ELL: variants seen among roughly 807,000 people sequenced by gnomAD.
The protein encoded by ELL is elongation factor for RNA polymerase II, also known as RNA polymerase II elongation factor ELL.
Under a neutral mutation model 64.0 loss-of-function variants are expected in ELL, and 18 were observed. That is an observed-to-expected ratio of 0.28 (90% CI 0.19 to 0.42). ELL has a LOEUF of 0.42. Among genes scored for constraint, ELL ranks in the 10% least tolerant of loss-of-function variants. The pLI, the probability that ELL is intolerant of heterozygous loss-of-function variation, is 1.00. For missense variants in ELL, 797 were observed against 870.4 expected, an observed-to-expected ratio of 0.92 and a Z score of 1.06; for synonymous variants, 399 against 376.2, an observed-to-expected ratio of 1.06 and a Z score of -0.70.
At chr19:18,473,705 C>G (rs1975113000) in intron 1 of ELL, among the ~76,000 whole-genome samples, 1 of 152,216 alleles carries the variant, frequency 6.6e-6, no homozygotes, top group Non-Finnish European at 1.5e-5. Context: ...ATCTTCTTCC[C>G]TCTTCCCAAC....
intron 1 of ELL, among the ~76,000 whole-genome samples, chr19:18,504,793 A>G (rs1276295946): frequency 6.6e-6 from 1 of 152,080 alleles, no homozygotes; most frequent in Non-Finnish European, 1.5e-5. Context: ...CACTGCATAT[A>G]CCAGAACCCA....
Position 18,449,410 on chromosome 19 carries a change from A to G in ELL, c.1465+1067T>C, listed in dbSNP as rs933852729. Among the ~76,000 whole-genome samples the G allele has an allele frequency of 8.5e-5, 13 of 152,058 alleles. No homozygotes were observed. Among genetic ancestry groups the G allele is most frequent in the Non-Finnish European group, 1.2e-4 (8 of 67,974 alleles). On this transcript the variant is annotated intron_variant, in intron 8 of 11. Transcript: ENST00000262809. The surrounding 1 kb of genome is among the most constrained non-coding windows in gnomAD (Gnocchi z 4.4). ...CCACCTTCTCCCCGTCGGCCCCCAC[A>G]TGCAGTCCCACGGGAGGTGGGAAGC...
chr19:18,462,964 C>T (rs1974858027), intron 4 of ELL, among the ~76,000 whole-genome samples: 1 of 152,190 alleles, frequency 6.6e-6, no homozygotes, highest in African/African-American at 2.4e-5. Context: ...CCTCTATCCC[C>T]AACGCAGAGA....
chr19:18,501,104 C>A lies in ELL; in HGVS notation c.135+20817G>T, dbSNP rs149447296. On this transcript the variant is annotated intron_variant, in intron 1 of 11. Transcript: ENST00000262809. The surrounding 1 kb of genome is among the most constrained non-coding windows in gnomAD (Gnocchi z 4.5). ...TGTGGGCGCACACCCAGGAGAAGAACGAGCGGGCCACGACACTGTTCTCGC... is the reference window on the plus strand; with the variant it reads ...TGTGGGCGCACACCCAGGAGAAGAAAGAGCGGGCCACGACACTGTTCTCGC... 6.6e-6 allele frequency among the ~76,000 whole-genome samples: 1 copy of A among 152,068 alleles called. No individual in the cohort carries two copies. Among genetic ancestry groups the A allele is most frequent in the African/African-American group, 2.4e-5 (1 of 41,396 alleles).
intron 1 of ELL, among the ~76,000 whole-genome samples, chr19:18,515,987 C>T (rs1287738881): frequency 2.0e-5 from 3 of 152,152 alleles, no homozygotes; most frequent in South Asian, 2.1e-4. Context: ...AGCCCAGGGC[C>T]AACAGGGGCA....
intron 6 of ELL, among the ~76,000 whole-genome samples, chr19:18,455,756 G>A (rs1467365517): frequency 6.6e-6 from 1 of 151,904 alleles, no homozygotes; most frequent in Non-Finnish European, 1.5e-5. Flanking sequence ...TAAGAGACAG[G>A]ATGAGAAATG....
chr19:18,461,572 AC>A lies in ELL; in HGVS notation c.744+5del. 6.3e-7 allele frequency: 1 copy of A among 1,593,404 alleles called. No individual in the cohort carries two copies. Among genetic ancestry groups the A allele is most frequent in the South Asian group, 1.1e-5 (1 of 90,280 alleles). On this transcript the variant is annotated splice_donor_5th_base_variant and intron_variant, in intron 5 of 11. Coordinates refer to ENST00000262809, the MANE Select transcript of ELL (RefSeq NM_006532.4). ...GGTAAAGACAAGACATCGGGGCGGC[AC>A]CCACCTGCTGGAGGAGGCCATCCAG...
intron 1 of ELL, among the ~76,000 whole-genome samples, chr19:18,519,465 A>G (rs1450871052): frequency 6.6e-6 from 1 of 152,192 alleles, no homozygotes; most frequent in Non-Finnish European, 1.5e-5. Context: ...GCCGTGCCTT[A>G]GAAAAGTCCA....
intron 5 of ELL, among the ~76,000 whole-genome samples, chr19:18,459,169 G>A (rs1438126555): frequency 1.3e-5 from 2 of 152,146 alleles, no homozygotes; most frequent in South Asian, 2.1e-4. Flanking sequence ...GAGCCACCGC[G>A]CTGGGCTCCA....
At chr19:18,518,648 A>C (rs548561008) in intron 1 of ELL, among the ~76,000 whole-genome samples, 2 of 152,032 alleles carry the variant, frequency 1.3e-5, no homozygotes, top group Non-Finnish European at 2.9e-5. Flanking sequence ...AAAATTAGCC[A>C]GGCACGGTGA....
chr19:18,474,053 GACA>G (rs1172522944), intron 1 of ELL, among the ~76,000 whole-genome samples: 1 of 152,214 alleles, frequency 6.6e-6, no homozygotes, highest in Non-Finnish European at 1.5e-5. Context: ...CAGTATCAGA[GACA>G]ACACCTACCC....
chr19:18,520,854 C>T (rs1976252774), intron 1 of ELL, among the ~76,000 whole-genome samples: 1 of 151,874 alleles, frequency 6.6e-6, no homozygotes, highest in Non-Finnish European at 1.5e-5. Context: ...TTACAAGGTT[C>T]CTAAACCACT....
intron 1 of ELL, among the ~76,000 whole-genome samples, chr19:18,507,236 C>T (rs1386024892): frequency 2.0e-5 from 3 of 152,242 alleles, no homozygotes; most frequent in African/African-American, 7.2e-5. Context: ...TCAGATACCT[C>T]CCTGCACAGT....
At chr19:18,457,437 G>A (rs904933832) in intron 6 of ELL, among the ~76,000 whole-genome samples, 5 of 152,216 alleles carry the variant, frequency 3.3e-5, no homozygotes, top group African/African-American at 1.2e-4. Context: ...TGCACACCCA[G>A]GGTGGACAGG....
chr19:18,520,621 T>C (rs1976244802), intron 1 of ELL, among the ~76,000 whole-genome samples: 1 of 151,396 alleles, frequency 6.6e-6, no homozygotes, highest in Non-Finnish European at 1.5e-5. Flanking sequence ...GGGAAGAAAT[T>C]CTCGGCTTAG....
intron 5 of ELL, 116 bp downstream of exon 5, chr19:18,461,462 G>C: frequency 6.8e-7 from 1 of 1,476,312 alleles, no homozygotes; most frequent in Non-Finnish European, 9.0e-7. Flanking sequence ...AGAGACCCCA[G>C]GAAGGGCTCT....
chr19:18,483,333 C>T (rs1975344382), intron 1 of ELL, among the ~76,000 whole-genome samples: 1 of 152,194 alleles, frequency 6.6e-6, no homozygotes, highest in South Asian at 2.1e-4. Flanking sequence ...TGGACACTAT[C>T]CAGGTCCTTC....
In ELL at chr19:18,446,817, A is replaced by G. The variant is rs774018001; in HGVS notation, c.1466-3T>C. 38 of 1,614,058 alleles carry G rather than the reference A, an allele frequency of 2.4e-5. No individual in the cohort carries two copies. In the African/African-American group the frequency reaches 4.0e-4, roughly 17 times the overall value. On this transcript the variant is annotated splice_region_variant and splice_polypyrimidine_tract_variant and intron_variant, in intron 8 of 11. Transcript: ENST00000262809. Reference sequence around the variant, plus strand: ...AACGCTGCAGGTTCCGTTTAAACCTACGAGAGCAAACACATACCTCCTGAG... The same window carrying G: ...AACGCTGCAGGTTCCGTTTAAACCTGCGAGAGCAAACACATACCTCCTGAG...
chr19:18,446,505 G>A, intron 9 of ELL, 25 bp from the exon 10 acceptor site: 1 of 1,605,384 alleles, frequency 6.2e-7, no homozygotes, highest in Non-Finnish European at 8.5e-7. Context: ...AGGGGCCACT[G>A]AGTGGAGGCT....
Sources: allele counts gnomAD v4.1 joint callset (sites outside exome capture counted in the v4.1 genomes callset), GRCh38; gene constraint gnomAD v4.1.1; non-coding constraint Gnocchi (gnomAD v3.1); transcripts MANE v1.5; gene names NCBI Gene and HGNC (gene_info 2026-07-23, HGNC 2026-07-21).